The following SLC35F4 variants were observed in gnomAD, a reference collection of about 807,000 sequenced individuals.
The protein encoded by SLC35F4 is solute carrier family 35 member F4.
A neutral mutation model predicts 44.2 loss-of-function variants in SLC35F4; 24 were observed. The observed-to-expected ratio is 0.54, with a 90% CI of 0.39 to 0.76. The LOEUF (loss-of-function observed/expected upper bound fraction) is 0.76. Ranked by LOEUF, SLC35F4 falls within the 30% of genes least tolerant of loss-of-function variation. The pLI is 0.00. For missense variants in SLC35F4, 562 were observed against 586.1 expected, an observed-to-expected ratio of 0.96 and a Z score of 0.42; for synonymous variants, 238 against 223.6, an observed-to-expected ratio of 1.06 and a Z score of -0.57.
At chr14:57,912,308 T>A (rs1229440531) in intron 1 of SLC35F4, among the ~76,000 whole-genome samples, 1 of 151,944 alleles carries the variant, frequency 6.6e-6, no homozygotes, top group Non-Finnish European at 1.5e-5. Flanking sequence ...TGGATTTAAT[T>A]TGCACACTTT....
intron 1 of SLC35F4, among the ~76,000 whole-genome samples, chr14:57,897,160 A>G (rs933483786): frequency 6.6e-6 from 1 of 152,164 alleles, no homozygotes; most frequent in African/African-American, 2.4e-5. Context: ...AAGTTGACGT[A>G]TGTACACTTT....
intron 1 of SLC35F4, among the ~76,000 whole-genome samples, chr14:57,678,186 C>G (rs146273636): frequency 1.3e-5 from 2 of 152,162 alleles, no homozygotes; most frequent in African/African-American, 4.8e-5. Context: ...CTGCAGAAAC[C>G]CTACAAGCCA....
At chr14:57,646,576 C>T (rs1020793409) in intron 1 of SLC35F4, among the ~76,000 whole-genome samples, 3 of 152,102 alleles carry the variant, frequency 2.0e-5, no homozygotes, top group African/African-American at 7.2e-5. Flanking sequence ...AAACCAGTTC[C>T]TGGATTCATT....
chr14:57,944,183 G>A (rs2141074822), intron 1 of SLC35F4, among the ~76,000 whole-genome samples: 1 of 152,230 alleles, frequency 6.6e-6, no homozygotes, highest in South Asian at 2.1e-4. Context: ...TCAAGTACCA[G>A]GCTGACCAAA....
At chr14:57,843,390 A>G (rs1215244984) in intron 1 of SLC35F4, among the ~76,000 whole-genome samples, 1 of 152,034 alleles carries the variant, frequency 6.6e-6, no homozygotes, top group African/African-American at 2.4e-5. Context: ...GTAATGAGGA[A>G]TGAGGTGACC....
At chr14:57,850,089 C>T (rs1371968158) in intron 1 of SLC35F4, among the ~76,000 whole-genome samples, 2 of 152,274 alleles carry the variant, frequency 1.3e-5, no homozygotes, top group East Asian at 3.9e-4. Flanking sequence ...AGCAAACAAC[C>T]AGATATCTCA....
intron 1 of SLC35F4, among the ~76,000 whole-genome samples, chr14:57,657,082 C>G (rs1199252782): frequency 6.6e-6 from 1 of 152,222 alleles, no homozygotes; most frequent in African/African-American, 2.4e-5. Context: ...TCAGAAAACA[C>G]AAGTTCAGGC....
chr14:57,920,670 C>A (rs1237198342), intron 1 of SLC35F4, among the ~76,000 whole-genome samples: 1 of 152,220 alleles, frequency 6.6e-6, no homozygotes, highest in Non-Finnish European at 1.5e-5. Context: ...AACATTTCTC[C>A]CCCTAACTAA....
At chr14:57,832,337 A>G (rs1167039774) in intron 1 of SLC35F4, among the ~76,000 whole-genome samples, 1 of 152,220 alleles carries the variant, frequency 6.6e-6, no homozygotes, top group East Asian at 1.9e-4. Context: ...TTTATACATG[A>G]GGAAAATAAG....
At chr14:57,876,380 A>C (rs1225926661) in intron 1 of SLC35F4, among the ~76,000 whole-genome samples, 1 of 152,164 alleles carries the variant, frequency 6.6e-6, no homozygotes, top group African/African-American at 2.4e-5. Flanking sequence ...GACATGAATA[A>C]ATCTTTTAAA....
rs973820880 is a variant in SLC35F4, at chr14:57,865,612, G to T, written c.103+111C>A. On this transcript the variant is annotated intron_variant, in intron 1 of 7. Coordinates refer to ENST00000556826, the MANE Select transcript of SLC35F4 (RefSeq NM_001306087.2). ...CAGGAAGGCGGTGTTGACAGCGTCC[G>T]CAGGGCTGCAGGTGTCCGTACCGCG... 4 of 813,554 alleles carry T rather than the reference G, an allele frequency of 4.9e-6. No homozygotes were observed. The African/African-American group carries it at 7.4e-5, about 15-fold the overall frequency. 50.4% of individuals were successfully genotyped at this position (813,554 alleles called of 1,614,324 possible). A position where few individuals can be genotyped will look rare whatever the true frequency, so the allele number is the denominator to read the frequency against.
At chr14:57,878,538 G>C (rs1888451355) in intron 1 of SLC35F4, among the ~76,000 whole-genome samples, 1 of 152,092 alleles carries the variant, frequency 6.6e-6, no homozygotes, top group Non-Finnish European at 1.5e-5. Context: ...AAAAAGCTAT[G>C]GGCTTTCTCA....
At chr14:57,965,255 G>GTTA (rs1890417001) in intron 1 of SLC35F4, among the ~76,000 whole-genome samples, 1 of 152,070 alleles carries the variant, frequency 6.6e-6, no homozygotes, top group South Asian at 2.1e-4. Flanking sequence ...CACTCCTTGA[G>GTTA]TTATTGTTCC....
chr14:57,783,141 A>C (rs1401430315), intron 1 of SLC35F4, among the ~76,000 whole-genome samples: 1 of 152,090 alleles, frequency 6.6e-6, no homozygotes, highest in Non-Finnish European at 1.5e-5. Context: ...GCTATCCAAA[A>C]AGTATACCTG....
intron 1 of SLC35F4, among the ~76,000 whole-genome samples, chr14:57,651,627 A>G (rs1361611309): frequency 6.6e-6 from 1 of 152,072 alleles, no homozygotes; most frequent in Non-Finnish European, 1.5e-5. Context: ...GCCCTCCTAG[A>G]GACAGGAACA....
rs1046168131 is a variant in SLC35F4, at chr14:57,594,092, G to C, written c.136C>G (p.Pro46Ala). The C allele has an allele frequency of 5.6e-6, 9 of 1,613,780 alleles. No individual in the cohort carries two copies. The highest frequency in any genetic ancestry group is 1.1e-5 in the South Asian group (1 of 91,070). The change falls in exon 2 of 8, where the codon CCA becomes GCA. Residue 46 changes from proline to alanine, a missense_variant. Coordinates refer to ENST00000556826, the MANE Select transcript of SLC35F4 (RefSeq NM_001306087.2). ...TGTGAACTGGGGCAGTTGGCTCCTG[G>C]TTTACATCTAGTGACTGATGATCTG... ...TSRSSVTRCK[P>A]GANCPSSHSG...
chr14:57,777,161 A>G (rs1276650191), intron 1 of SLC35F4, among the ~76,000 whole-genome samples: 1 of 152,228 alleles, frequency 6.6e-6, no homozygotes, highest in African/African-American at 2.4e-5. Flanking sequence ...AAATAGGAAC[A>G]CTTTTACACT....
intron 1 of SLC35F4, among the ~76,000 whole-genome samples, chr14:57,812,754 C>T (rs1159474849): frequency 6.6e-6 from 1 of 152,068 alleles, no homozygotes; most frequent in Admixed American, 6.6e-5. Flanking sequence ...AAACTAGAAC[C>T]ATGTAAGAGC....
intron 1 of SLC35F4, among the ~76,000 whole-genome samples, chr14:57,690,492 C>T (rs144284217): frequency 6.6e-6 from 1 of 151,812 alleles, no homozygotes; most frequent in East Asian, 1.9e-4. Context: ...CTTTTTGGCA[C>T]CAAGGACTGG....
Sources: gnomAD v4.1 joint callset for allele counts (sites outside exome capture counted in the v4.1 genomes callset) on GRCh38, gnomAD v4.1.1 for gene constraint, MANE v1.5 for transcripts, NCBI Gene and HGNC (gene_info 2026-07-23, HGNC 2026-07-21) for gene names.